Variants in CELF2 observed in about 807,000 individuals in gnomAD.
The protein encoded by CELF2 is CUGBP Elav-like family member 2.
In CELF2, 8 loss-of-function variants were observed where a neutral mutation model predicts 62.6. That is an observed-to-expected ratio of 0.13 (90% confidence interval 0.07 to 0.23). The LOEUF is 0.23. Among genes scored for constraint, CELF2 ranks in the 10% least tolerant of loss-of-function variants. The pLI, the probability that CELF2 is intolerant of heterozygous loss-of-function variation, is 1.00. For missense variants in CELF2, 333 were observed against 671.0 expected (o/e 0.50, Z 5.56); for synonymous variants, 258 against 250.0 (o/e 1.03, Z -0.30).
chr10:11,028,130 T>G (rs78980911), intron 1 of CELF2, among the ~76,000 whole-genome samples: 8,999 of 152,284 alleles, frequency 0.059, 325 homozygotes, highest in Middle Eastern at 0.14. Flanking sequence ...TCATGAAGAC[T>G]GATTCTTTTT....
At chr10:11,104,270 T>C (rs116979047) in intron 1 of CELF2, among the ~76,000 whole-genome samples, 4,460 of 152,340 alleles carry the variant, frequency 0.029, 86 homozygotes, top group Middle Eastern at 0.044. Flanking sequence ...TATAATCCTC[T>C]ATCAGGTGAT....
rs566432250 is a variant in CELF2, at chr10:11,147,977, A to G, written c.75-17509A>G. Among the ~76,000 whole-genome samples, 11 of 152,356 alleles carry G rather than the reference A, an allele frequency of 7.2e-5. No homozygotes were observed. In the South Asian group the frequency reaches 2.1e-3, roughly 29 times the overall value. ...CTCCCTCAGACGGCCACAGGGCAGA[A>G]TGAGGAAGGTGTGTGAAATAGTACA... On this transcript the variant is annotated intron_variant, in intron 1 of 12. Transcript: ENST00000633077.
At chr10:10,683,600 A>G in the CELF2 span, among the ~76,000 whole-genome samples, 2 of 152,218 alleles carry the variant, frequency 1.3e-5, no homozygotes. Context: ...TGAATAAAAT[A>G]ATAATGGAAA....
At chr10:10,806,203 C>CTTTTTTT (rs112165245) in intron 1 of CELF2, among the ~76,000 whole-genome samples, 11 of 141,442 alleles carry the variant, frequency 7.8e-5, no homozygotes, top group Non-Finnish European at 1.4e-4. Context: ...TTCCAGTGTT[C>CTTTTTTT]TTTTTTTTTT....
chr10:10,891,005 G>T (rs1050406907), intron 1 of CELF2, among the ~76,000 whole-genome samples: 3 of 149,458 alleles, frequency 2.0e-5, no homozygotes, highest in Non-Finnish European at 4.4e-5. Context: ...ACAAGAGCAA[G>T]ACTTCATCTC....
chr10:10,806,203 C>CTTTTTTTTTT (rs112165245), intron 1 of CELF2, among the ~76,000 whole-genome samples: 2 of 141,440 alleles, frequency 1.4e-5, no homozygotes, highest in Non-Finnish European at 1.5e-5. Flanking sequence ...TTCCAGTGTT[C>CTTTTTTTTTT]TTTTTTTTTT....
chr10:10,832,540 G>A (rs896945162), intron 1 of CELF2, among the ~76,000 whole-genome samples: 3 of 152,196 alleles, frequency 2.0e-5, no homozygotes, highest in South Asian at 2.1e-4. Flanking sequence ...CATGTTTATA[G>A]TAGCACAAAG....
chr10:11,210,652 G>A lies in CELF2; in HGVS notation c.272-6773G>A, dbSNP rs553234186. Among the ~76,000 whole-genome samples, 3 of 152,326 alleles carry A rather than the reference G, an allele frequency of 2.0e-5. No homozygotes were observed. In the South Asian group the frequency reaches 6.2e-4, roughly 32 times the overall value. On this transcript the variant is annotated intron_variant, in intron 2 of 12. Transcript: ENST00000633077. ...ATGGTAGAGAACACCTTACACAGGG[G>A]AGTTTCTCCTTGCTTCAGGCGGGTG...
intron 1 of CELF2, among the ~76,000 whole-genome samples, chr10:10,861,628 T>TGCCTTCCCAACCCCAC (rs2060052344): frequency 6.6e-6 from 1 of 152,184 alleles, no homozygotes. Context: ...CCCAACTCTA[T>TGCCTTCCCAACCCCAC]GCCTTCCCAA....
the CELF2 span, among the ~76,000 whole-genome samples, chr10:10,618,602 G>A: frequency 1.2e-4 from 19 of 152,060 alleles, no homozygotes; most frequent in African/African-American, 4.1e-4. Flanking sequence ...TTCGTCTCTT[G>A]TTCTCATGAG....
At chr10:10,744,918 C>T in the CELF2 span, among the ~76,000 whole-genome samples, 2 of 152,014 alleles carry the variant, frequency 1.3e-5, no homozygotes, top group African/African-American at 4.8e-5. Flanking sequence ...ACCAATCTTT[C>T]CTGTTGGATG....
chr10:11,243,264 C>T lies in CELF2; in HGVS notation c.355-5889C>T, dbSNP rs371438792. ...AAGGAGCCTTTGAAATTTCCCCTTT[C>T]GCTATGTTTCACTGGTTTTTAAACA... On this transcript the variant is annotated intron_variant, in intron 3 of 12. Transcript: ENST00000633077. This position sits in a 1 kb window ranked among gnomAD's most constrained non-coding sequence, Gnocchi z 4.1. 1.3e-5 allele frequency among the ~76,000 whole-genome samples: 2 copies of T among 151,518 alleles called. No homozygotes were observed. The highest frequency in any genetic ancestry group is 2.1e-4 in the South Asian group (1 of 4,820).
rs1002159121 is a variant in CELF2, at chr10:11,214,710, A to G, written c.272-2715A>G. The stretch of plus-strand genomic sequence containing the variant: ...CCTACGGTATCCTCCTGCGTGTCAC[A>G]CTGGAACTAGAGCTTCTCTTGGCAT... On this transcript the variant is annotated intron_variant, in intron 2 of 12. Coordinates refer to ENST00000633077, the MANE Select transcript of CELF2 (RefSeq NM_001326342.2). This position sits in a 1 kb window ranked among gnomAD's most constrained non-coding sequence, Gnocchi z 4.2. Among the ~76,000 whole-genome samples, 2 of 152,210 alleles carry G rather than the reference A, an allele frequency of 1.3e-5. No homozygotes were observed. The highest frequency in any genetic ancestry group is 2.4e-5 in the African/African-American group (1 of 41,446).
rs1261196669 is a variant in CELF2 at position 11,156,313 on chromosome 10, A to C, written c.75-9173A>C. ...CGACAGATCACATGACGTGTGATTT[A>C]ATTTTACTGCTTTGAAGACTTCTCG... On this transcript the variant is annotated intron_variant, in intron 1 of 12. Transcript: ENST00000633077. The surrounding 1 kb of genome is among the most constrained non-coding windows in gnomAD (Gnocchi z 4.3). 6.6e-6 allele frequency among the ~76,000 whole-genome samples: 1 copy of C among 152,156 alleles called. No homozygotes were observed. The highest frequency in any genetic ancestry group is 2.4e-5 in the African/African-American group (1 of 41,432).
chr10:10,471,345 T>C, the CELF2 span, among the ~76,000 whole-genome samples: 1 of 151,764 alleles, frequency 6.6e-6, no homozygotes, highest in African/African-American at 2.4e-5. Context: ...GTATAAAATC[T>C]TTATTATTAA....
chr10:10,507,294 G>A, the CELF2 span, among the ~76,000 whole-genome samples: 8 of 3,500 alleles, frequency 2.3e-3, no homozygotes, highest in Admixed American at 7.4e-3. Context: ...ACTAACATCC[G>A]GAAATACTCA....
rs990605114 is a variant in CELF2, at chr10:10,846,443, T to C, written c.53+47626T>C. Among the ~76,000 whole-genome samples the C allele has an allele frequency of 2.9e-4, 44 of 152,292 alleles. 1 individual carries two copies. Among genetic ancestry groups the C allele is most frequent in the Middle Eastern group, 3.4e-3 (1 of 294 alleles). ...TGGTGTCTTTTCATCTTGACAAATA[T>C]TATTGAAATAAGCAAATAACTTTCA... On this transcript the variant is annotated intron_variant, in intron 1 of 13. Coordinates refer to the CELF2 transcript ENST00000636488.
chr10:10,565,038 A>G, the CELF2 span, among the ~76,000 whole-genome samples: 6 of 152,370 alleles, frequency 3.9e-5, no homozygotes, highest in South Asian at 1.0e-3. Context: ...GTACAGCCGA[A>G]TGTGTCAGAC....
the CELF2 span, among the ~76,000 whole-genome samples, chr10:10,750,212 G>T: frequency 2.6e-5 from 4 of 151,906 alleles, no homozygotes; most frequent in Admixed American, 2.0e-4. Flanking sequence ...AACCTGGGAG[G>T]TAGAAGTTGG....
Sources: allele counts gnomAD v4.1 joint callset (sites outside exome capture counted in the v4.1 genomes callset), GRCh38; gene constraint gnomAD v4.1.1; non-coding constraint Gnocchi (gnomAD v3.1); transcripts MANE v1.5; gene names NCBI Gene and HGNC (gene_info 2026-07-23, HGNC 2026-07-21).